CDKAL1: variants seen among roughly 807,000 people sequenced by gnomAD.
CDKAL1 encodes CDKAL1 threonylcarbamoyladenosine tRNA methylthiotransferase.
Under a neutral mutation model 68.2 loss-of-function variants are expected in CDKAL1, and 32 were observed. The observed-to-expected ratio is 0.47, with a 90% confidence interval of 0.35 to 0.63. CDKAL1 has a LOEUF of 0.63. Among genes scored for constraint, CDKAL1 ranks in the 30% least tolerant of loss-of-function variants. The pLI is 0.00. For missense variants in CDKAL1, 606 were observed against 696.7 expected (o/e 0.87, Z 1.47); for synonymous variants, 234 against 244.3 (o/e 0.96, Z 0.39).
In CDKAL1 at chr6:20,870,570, GTTTTCAAA is replaced by G. The variant is rs1163537508; in HGVS notation, c.742+24393_742+24400del. Among the ~76,000 whole-genome samples, 3 of 152,108 alleles carry G rather than the reference GTTTTCAAA, an allele frequency of 2.0e-5. No individual in the cohort carries two copies. In the East Asian group the frequency reaches 5.8e-4, roughly 29 times the overall value. On this transcript the variant is annotated intron_variant, in intron 9 of 15. Transcript: ENST00000274695. ...CTTCTTTCCTGACGTTTACTTGTTT[GTTTTCAAA>G]GCATTAAAATATCAGCATTTTTTTC... is the stretch of plus-strand genomic sequence containing the variant.
At chr6:20,848,042 A>T (rs1778440396) in intron 9 of CDKAL1, among the ~76,000 whole-genome samples, 1 of 152,212 alleles carries the variant, frequency 6.6e-6, no homozygotes, top group South Asian at 2.1e-4. Flanking sequence ...GATTGGTTGT[A>T]GAGAGCAACC....
At chr6:20,921,697 G>T (rs971963899) in intron 9 of CDKAL1, among the ~76,000 whole-genome samples, 3 of 152,138 alleles carry the variant, frequency 2.0e-5, no homozygotes, top group Non-Finnish European at 4.4e-5. Context: ...TTAGCAACTG[G>T]CAGTAACTAC....
rs530862744 is a variant in CDKAL1 at position 20,736,851 on chromosome 6, T to G, written c.372-2668T>G. On this transcript the variant is annotated intron_variant, in intron 5 of 15. Transcript: ENST00000274695. ...AGGGTATTAAATTAATTTCCTCACC[T>G]CCTGGCTTCTTTTCCCCTTCTATTT... 2.6e-5 allele frequency among the ~76,000 whole-genome samples: 4 copies of G among 152,166 alleles called. 1 individual carries two copies. In the South Asian group the frequency reaches 8.3e-4, roughly 32 times the overall value.
intron 9 of CDKAL1, among the ~76,000 whole-genome samples, chr6:20,899,241 T>C (rs1761850427): frequency 6.6e-6 from 1 of 151,874 alleles, no homozygotes. Context: ...ATTTTTGTAT[T>C]TTTAGTAGAG....
chr6:21,160,547 T>C (rs567198384), intron 13 of CDKAL1, among the ~76,000 whole-genome samples: 1 of 149,890 alleles, frequency 6.7e-6, no homozygotes, highest in South Asian at 2.1e-4. Context: ...CTACCCTCCT[T>C]GGCCTCCCAA....
intron 12 of CDKAL1, among the ~76,000 whole-genome samples, chr6:21,065,721 T>C (rs556260268): frequency 3.2e-4 from 48 of 151,140 alleles, no homozygotes; most frequent in African/African-American, 1.1e-3. Context: ...CAATTTAATT[T>C]TATCCTTTCA....
At chr6:20,838,949 TG>T (rs1391007187) in intron 8 of CDKAL1, among the ~76,000 whole-genome samples, 2 of 149,946 alleles carry the variant, frequency 1.3e-5, no homozygotes, top group African/African-American at 4.9e-5. Context: ...CACACCAGCC[TG>T]GGAGACAGAG....
intron 13 of CDKAL1, among the ~76,000 whole-genome samples, chr6:21,148,861 T>C (rs978712941): frequency 1.3e-5 from 2 of 152,212 alleles, no homozygotes; most frequent in African/African-American, 4.8e-5. Flanking sequence ...TTTTCAATTT[T>C]AAAAGATTAC....
At chr6:21,165,222 C>G (rs1777104239) in intron 13 of CDKAL1, among the ~76,000 whole-genome samples, 1 of 152,218 alleles carries the variant, frequency 6.6e-6, no homozygotes, top group African/African-American at 2.4e-5. Flanking sequence ...AATGACTATG[C>G]TGTTCTAAGA....
intron 8 of CDKAL1, among the ~76,000 whole-genome samples, chr6:20,800,380 A>C (rs1776317006): frequency 6.6e-6 from 1 of 152,194 alleles, no homozygotes; most frequent in Admixed American, 6.5e-5. Context: ...AACTGTAGAA[A>C]ATGCAAACAA....
At chr6:20,767,362 G>A (rs1427358823) in intron 7 of CDKAL1, among the ~76,000 whole-genome samples, 1 of 152,060 alleles carries the variant, frequency 6.6e-6, no homozygotes, top group Non-Finnish European at 1.5e-5. Context: ...GTACTTTATA[G>A]CTGATTTCCC....
intron 7 of CDKAL1, among the ~76,000 whole-genome samples, chr6:20,764,966 A>G (rs1191753353): frequency 1.3e-5 from 2 of 152,130 alleles, no homozygotes; most frequent in Non-Finnish European, 2.9e-5. Context: ...CATCGGTGTA[A>G]GTAAATACAT....
chr6:21,186,758 GT>G (rs909846634), intron 13 of CDKAL1, among the ~76,000 whole-genome samples: 7 of 148,870 alleles, frequency 4.7e-5, no homozygotes, highest in East Asian at 3.9e-4. Context: ...GTGTGGTGAG[GT>G]TTTTTTTTTA....
At chr6:21,168,646 G>C (rs2151072184) in intron 13 of CDKAL1, among the ~76,000 whole-genome samples, 1 of 152,284 alleles carries the variant, frequency 6.6e-6, no homozygotes, top group Middle Eastern at 3.4e-3. Context: ...AGGGCTAAAG[G>C]AATGTTCTAA....
rs527598664 is a variant in CDKAL1, at chr6:20,758,507, T to C, written c.469-88T>C. 4.8e-6 allele frequency: 5 copies of C among 1,041,014 alleles called. No homozygotes were observed. In the East Asian group the frequency reaches 9.7e-5, roughly 20 times the overall value. The allele number at this position is 1,041,014 out of a possible 1,614,324, so 64.5% of individuals were successfully genotyped here. A position where few individuals can be genotyped will look rare whatever the true frequency, so the allele number is the denominator to read the frequency against. The stretch of plus-strand genomic sequence containing the variant: ...AACCTGCATTGATGTGCTTAGAAAA[T>C]GTGTAACATTGACTCAAGCATAAGG... On this transcript the variant is annotated intron_variant, in intron 6 of 15. Coordinates refer to ENST00000274695, the MANE Select transcript of CDKAL1 (RefSeq NM_017774.3).
At chr6:21,101,835 T>G (rs1420742803) in intron 12 of CDKAL1, among the ~76,000 whole-genome samples, 3 of 152,190 alleles carry the variant, frequency 2.0e-5, no homozygotes, top group Admixed American at 2.0e-4. Context: ...TCTTCAGCTC[T>G]TCCCTCTCTG....
intron 10 of CDKAL1, among the ~76,000 whole-genome samples, chr6:20,983,646 G>A (rs1156925388): frequency 1.3e-5 from 2 of 152,182 alleles, no homozygotes; most frequent in South Asian, 2.1e-4. Context: ...GCTTGAACCC[G>A]AGGGGCTGAG....
intron 6 of CDKAL1, among the ~76,000 whole-genome samples, chr6:20,746,163 T>C (rs1225933862): frequency 2.6e-5 from 4 of 152,182 alleles, no homozygotes; most frequent in Non-Finnish European, 5.9e-5. Context: ...CTCATTTTAC[T>C]GGCACCCTTC....
chr6:21,228,963 C>T (rs1420036049), intron 15 of CDKAL1, among the ~76,000 whole-genome samples: 1 of 152,204 alleles, frequency 6.6e-6, no homozygotes, highest in Non-Finnish European at 1.5e-5. Context: ...CCAGCTCTTG[C>T]CTCCCCCTGC....
Sources: allele counts gnomAD v4.1 joint callset (sites outside exome capture counted in the v4.1 genomes callset), GRCh38; gene constraint gnomAD v4.1.1; transcripts MANE v1.5; gene names NCBI Gene and HGNC (gene_info 2026-07-23, HGNC 2026-07-21).